PEX14: variants seen among roughly 807,000 people sequenced by gnomAD.
PEX14 encodes the protein peroxisomal biogenesis factor 14.
PEX14 carries 15 observed loss-of-function variants against 49.5 expected under a neutral mutation model. That is an observed-to-expected ratio of 0.30 (90% CI 0.20 to 0.47). PEX14 has a LOEUF of 0.47. Ranked by LOEUF, PEX14 falls within the 20% of genes least tolerant of loss-of-function variation. PEX14 has a pLI of 1.00. For synonymous variants in PEX14, 210 were observed against 212.7 expected, an observed-to-expected ratio of 0.99 and a Z score of 0.11; for missense variants, 398 against 494.8, an observed-to-expected ratio of 0.80 and a Z score of 1.86.
intron 2 of PEX14, among the ~76,000 whole-genome samples, chr1:10,508,611 ATGCTCCTGCC>A (rs1641830786): frequency 6.6e-6 from 1 of 152,164 alleles, no homozygotes; most frequent in Non-Finnish European, 1.5e-5. Flanking sequence ...TGCCCTCTGA[ATGCTCCTGCC>A]TGCCAGATCT....
intron 3 of PEX14, among the ~76,000 whole-genome samples, chr1:10,556,973 T>G (rs1035752922): frequency 2.0e-5 from 3 of 152,154 alleles, no homozygotes; most frequent in African/African-American, 7.2e-5. Context: ...TTGGCCTCTC[T>G]TGGGACTGTT....
At chr1:10,518,757 T>C (rs1257227437) in intron 2 of PEX14, among the ~76,000 whole-genome samples, 1 of 152,240 alleles carries the variant, frequency 6.6e-6, no homozygotes, top group Non-Finnish European at 1.5e-5. Context: ...CTTCCTGCGT[T>C]CCCAGCCCTT....
At chr1:10,535,778 T>A (rs1638782024) in intron 2 of PEX14, 1 of 250,510 alleles carries the variant, frequency 4.0e-6, no homozygotes. Context: ...ATAGAGAACG[T>A]GTGTGTGTGT....
chr1:10,603,409 A>AAGAATTAATGT (rs1641040479), intron 4 of PEX14, among the ~76,000 whole-genome samples: 1 of 152,196 alleles, frequency 6.6e-6, no homozygotes, highest in African/African-American at 2.4e-5. Flanking sequence ...TAGAAAAGAG[A>AAGAATTAATGT]AGAATTAATG....
chr1:10,613,391 C>G lies in PEX14; in HGVS notation c.299-4941C>G, dbSNP rs1236794330. Among the ~76,000 whole-genome samples, 3 of 152,152 alleles carry G rather than the reference C, an allele frequency of 2.0e-5. No individual in the cohort carries two copies. The highest frequency in any genetic ancestry group is 4.8e-5 in the African/African-American group (2 of 41,434). On this transcript the variant is annotated intron_variant, in intron 4 of 8. Transcript: ENST00000356607. The surrounding 1 kb of genome is among the most constrained non-coding windows in gnomAD (Gnocchi z 5.0). ...TTGCGCAGGCTGACCTCCATGGAGC[C>G]GGGCAGAGCTTAAGCTAGTTCGTGG...
intron 3 of PEX14, among the ~76,000 whole-genome samples, chr1:10,593,632 A>G (rs1320298803): frequency 1.3e-5 from 2 of 151,608 alleles, no homozygotes; most frequent in Non-Finnish European, 2.9e-5. Context: ...AGTGGAGGAA[A>G]AAGTGTTTGA....
intron 3 of PEX14, among the ~76,000 whole-genome samples, chr1:10,582,773 G>T (rs1309468252): frequency 6.6e-6 from 1 of 152,158 alleles, no homozygotes; most frequent in East Asian, 1.9e-4. Flanking sequence ...TCACTCTGTA[G>T]CCCAGGCTGG....
At chr1:10,590,338 G>A (rs189304890) in intron 3 of PEX14, among the ~76,000 whole-genome samples, 6 of 152,316 alleles carry the variant, frequency 3.9e-5, no homozygotes, top group African/African-American at 1.4e-4. Flanking sequence ...TCTGCTACAC[G>A]TGGGTTTAAT....
chr1:10,542,622 G>A (rs992786659), intron 3 of PEX14, among the ~76,000 whole-genome samples: 1 of 152,144 alleles, frequency 6.6e-6, no homozygotes, highest in Non-Finnish European at 1.5e-5. Context: ...TTAGCTCGGC[G>A]TGGTGGTATG....
intron 3 of PEX14, among the ~76,000 whole-genome samples, chr1:10,594,446 C>T (rs1257652355): frequency 2.0e-5 from 3 of 152,210 alleles, no homozygotes; most frequent in Admixed American, 6.5e-5. Flanking sequence ...TGACTGCCAC[C>T]GTTTGTCACT....
intron 1 of PEX14, among the ~76,000 whole-genome samples, chr1:10,481,457 T>G (rs890818432): frequency 6.6e-6 from 1 of 151,982 alleles, no homozygotes; most frequent in Non-Finnish European, 1.5e-5. Context: ...TTGTTTGTTT[T>G]TTGAGACAGG....
At chr1:10,610,803 T>C (rs1248985489) in intron 4 of PEX14, among the ~76,000 whole-genome samples, 2 of 152,142 alleles carry the variant, frequency 1.3e-5, no homozygotes, top group East Asian at 3.9e-4. Flanking sequence ...TTTCTTTAAA[T>C]GGGTATATTT....
chr1:10,541,080 G>A lies in PEX14; in HGVS notation c.169+4783G>A, dbSNP rs536599686. Among the ~76,000 whole-genome samples, 111 of 152,296 alleles carry A rather than the reference G, an allele frequency of 7.3e-4. 1 individual carries two copies. Among genetic ancestry groups the A allele is most frequent in the African/African-American group, 2.4e-3 (100 of 41,562 alleles). Reference sequence around the variant, plus strand: ...ACCAGAGGAAACAAATGCCCGACACGGATTCGACTCAGTCATAAGTGTGAA... The same window carrying A: ...ACCAGAGGAAACAAATGCCCGACACAGATTCGACTCAGTCATAAGTGTGAA... On this transcript the variant is annotated intron_variant, in intron 3 of 8. Transcript: ENST00000356607.
rs35200732 is a variant in PEX14 at position 10,480,841 on chromosome 1, T to TTCTC, written c.36+5855_36+5858dup. On this transcript the variant is annotated intron_variant, in intron 1 of 8. Transcript: ENST00000356607. Reference sequence around the variant, plus strand: ...GCTTTATGTCAGTCTCTCTCTCTCTTTCTCTCTCTCTCTCTCTCTATATAT... The same window carrying TTCTC: ...GCTTTATGTCAGTCTCTCTCTCTCTTTCTCTCTCTCTCTCTCTCTCTCTATATAT... Among the ~76,000 whole-genome samples the TTCTC allele has an allele frequency of 8.5e-3, 1,263 of 148,458 alleles. 14 individuals are homozygous for TTCTC. Among genetic ancestry groups the TTCTC allele is most frequent in the African/African-American group, 0.03 (1,184 of 40,016 alleles).
rs1332254648 is a variant in PEX14 at position 10,495,338 on chromosome 1, TGTGGTATCACTTTCTA to T, written c.84+20_84+35del. The T allele has an allele frequency of 6.2e-7, 1 of 1,602,268 alleles. No homozygotes were observed. Among genetic ancestry groups the T allele is most frequent in the African/African-American group, 1.3e-5 (1 of 74,700 alleles). ...GAGCCGCTGGTAAGTACCCAAGATA[TGTGGTATCACTTTCTA>T]GTAATTAAAATGCCACGCGAGTGAA... On this transcript the variant is annotated intron_variant, in intron 2 of 8. Transcript: ENST00000356607. This position sits in a 1 kb window ranked among gnomAD's most constrained non-coding sequence, Gnocchi z 4.2.
chr1:10,595,287 TCA>T (rs1640805329), intron 3 of PEX14, among the ~76,000 whole-genome samples: 1 of 152,306 alleles, frequency 6.6e-6, no homozygotes, highest in Admixed American at 6.5e-5. Flanking sequence ...TCTTTACCTC[TCA>T]GAGTCAGCCC....
chr1:10,523,061 C>T (rs943339440), intron 2 of PEX14, among the ~76,000 whole-genome samples: 4 of 152,136 alleles, frequency 2.6e-5, no homozygotes, highest in East Asian at 3.8e-4. Flanking sequence ...TGACCCCAGA[C>T]TAATAAGCTT....
At chr1:10,571,015 G>GTTTTTT (rs34811019) in intron 3 of PEX14, among the ~76,000 whole-genome samples, 1 of 74,558 alleles carries the variant, frequency 1.3e-5, no homozygotes, top group East Asian at 3.6e-4. Flanking sequence ...CGCCTGGCTA[G>GTTTTTT]TTTTTTTTTT....
At chr1:10,616,052 C>T (rs1641406467) in intron 4 of PEX14, among the ~76,000 whole-genome samples, 1 of 152,146 alleles carries the variant, frequency 6.6e-6, no homozygotes, top group Admixed American at 6.5e-5. Flanking sequence ...ACCGAGATTC[C>T]AGGGCTAGGA....
Sources: gnomAD v4.1 joint callset for allele counts (sites outside exome capture counted in the v4.1 genomes callset) on GRCh38, gnomAD v4.1.1 for gene constraint, Gnocchi (gnomAD v3.1) non-coding constraint, MANE v1.5 for transcripts, NCBI Gene and HGNC (gene_info 2026-07-23, HGNC 2026-07-21) for gene names.